Variants in MYBPC1 observed in about 807,000 individuals in gnomAD.
The protein encoded by MYBPC1 is myosin binding protein C1.
A neutral mutation model predicts 147.1 loss-of-function variants in MYBPC1; 52 were observed. The observed-to-expected ratio is 0.35, with a 90% CI of 0.28 to 0.45. The LOEUF is 0.45. MYBPC1 is among the 20% of genes least tolerant of loss of function. The pLI, the probability that MYBPC1 is intolerant of heterozygous loss-of-function variation, is 1.00. For synonymous variants in MYBPC1, 477 were observed against 475.9 expected (o/e 1.00, Z -0.03); for missense variants, 1,228 against 1,440.3 (o/e 0.85, Z 2.39).
At chr12:101,693,409 C>G in the MYBPC1 span, among the ~76,000 whole-genome samples, 1 of 152,110 alleles carries the variant, frequency 6.6e-6, no homozygotes, top group Non-Finnish European at 1.5e-5. Flanking sequence ...AGCTTGATGG[C>G]CCCCCACAAT....
intron 1 of MYBPC1, among the ~76,000 whole-genome samples, chr12:101,613,084 T>C (rs1329395368): frequency 6.6e-6 from 1 of 152,200 alleles, no homozygotes; most frequent in Non-Finnish European, 1.5e-5. Flanking sequence ...ATAAACTTAT[T>C]TATGGCCATC....
At chr12:101,677,526 T>C (rs1900268278) in intron 27 of MYBPC1, 132 bp downstream of exon 27, 3 of 1,122,214 alleles carry the variant, frequency 2.7e-6, no homozygotes, top group Non-Finnish European at 1.3e-6. Context: ...GATAATGGTG[T>C]TCAAGTAAAA....
intron 21 of MYBPC1, among the ~76,000 whole-genome samples, chr12:101,662,973 G>A (rs547225543): frequency 6.6e-6 from 1 of 151,940 alleles, no homozygotes; most frequent in Non-Finnish European, 1.5e-5. Context: ...TTTGCTTTAT[G>A]GTCACACCTT....
At chr12:101,666,627 C>G (rs1203249385) in intron 22 of MYBPC1, 46 of 1,042,826 alleles carry the variant, frequency 4.4e-5, no homozygotes, top group Non-Finnish European at 6.4e-5. Context: ...GCTCTGAGGA[C>G]AAATCTCTTT....
chr12:101,604,001 C>T (rs1218810655), intron 1 of MYBPC1, among the ~76,000 whole-genome samples: 1 of 152,148 alleles, frequency 6.6e-6, no homozygotes. Context: ...AAACTGTTAA[C>T]AATTCAAATT....
Position 101,632,158 on chromosome 12 carries a change from T to G in MYBPC1, c.556+20T>G. ...TGCACGGTAAGAGAGCCTTCTTGCC[T>G]AGATAAATGTAATTTTTTAATGGGG... On this transcript the variant is annotated intron_variant, in intron 8 of 31. Transcript: ENST00000361466. 1 of 1,506,298 alleles carries G rather than the reference T, an allele frequency of 6.6e-7. No homozygotes were observed. Among genetic ancestry groups the G allele is most frequent in the Non-Finnish European group, 9.2e-7 (1 of 1,081,856 alleles). The allele number at this position is 1,506,298 out of a possible 1,614,324, so 93.3% of individuals were successfully genotyped here. A position where few individuals can be genotyped will look rare whatever the true frequency, so the allele number is the denominator to read the frequency against.
chr12:101,694,759 C>CTTTTTTTTT, the MYBPC1 span, among the ~76,000 whole-genome samples: 1 of 149,804 alleles, frequency 6.7e-6, no homozygotes, highest in Non-Finnish European at 1.5e-5. Context: ...AATACATCTG[C>CTTTTTTTTT]TTTTTTTTTT....
chr12:101,682,832 A>C (rs1333922926), intron 30 of MYBPC1, among the ~76,000 whole-genome samples, 170 bp downstream of exon 30: 2 of 152,192 alleles, frequency 1.3e-5, no homozygotes, highest in African/African-American at 2.4e-5. Flanking sequence ...CAAATTATTC[A>C]AGGATATTAA....
rs752444069 is a variant in MYBPC1 at position 101,649,321 on chromosome 12, G to T, written c.1258G>T (p.Gly420Cys). 1 of 1,613,832 alleles carries T rather than the reference G, an allele frequency of 6.2e-7. No homozygotes were observed. Among genetic ancestry groups the T allele is most frequent in the Non-Finnish European group, 8.5e-7 (1 of 1,179,826 alleles). The stretch of plus-strand genomic sequence containing the variant: ...ATCAAGATACCGAATTAGAGTTGAG[G>T]GTAAAAAACACATCTTGATCATAGA... ...PKSRYRIRVE[G>C]KKHILIIEGA... Residue 420 changes from glycine to cysteine, a missense_variant, in exon 15 of 32, where the codon GGT (glycine) becomes TGT (cysteine). Gly to Cys is a radical substitution (Grantham distance 159). Around this residue, in one of 2 missense-constraint regions of MYBPC1, gnomAD observed 1,077 missense variants for 1,314.2 expected, o/e 0.82. Transcript: ENST00000361466.
At chr12:101,635,683 G>A (rs1362523727) in intron 9 of MYBPC1, among the ~76,000 whole-genome samples, 3 of 152,070 alleles carry the variant, frequency 2.0e-5, no homozygotes, top group African/African-American at 7.2e-5. Flanking sequence ...GAACAGAAAT[G>A]TATTTACTTC....
At chr12:101,607,712 C>A (rs1309829811) in intron 1 of MYBPC1, among the ~76,000 whole-genome samples, 1 of 151,768 alleles carries the variant, frequency 6.6e-6, no homozygotes, top group Non-Finnish European at 1.5e-5. Context: ...ATATAAGGGC[C>A]CATAAGATAG....
intron 21 of MYBPC1, among the ~76,000 whole-genome samples, chr12:101,662,882 A>T (rs1237033401): frequency 6.6e-6 from 1 of 152,192 alleles, no homozygotes; most frequent in African/African-American, 2.4e-5. Flanking sequence ...TAACCTGTTA[A>T]TATAACCCAG....
chr12:101,677,157 A>T, intron 26 of MYBPC1, 78 bp from the exon 27 acceptor site: 1 of 1,428,878 alleles, frequency 7.0e-7, no homozygotes, highest in Non-Finnish European at 9.7e-7. Context: ...CATCCTTGTT[A>T]TTTATCCCAA....
chr12:101,686,192 A>C (rs1012410097), downstream of MYBPC1, among the ~76,000 whole-genome samples: 3 of 152,304 alleles, frequency 2.0e-5, no homozygotes, highest in Admixed American at 1.3e-4. Flanking sequence ...CTTTCAAACA[A>C]ATTTTCTCAG....
At chr12:101,611,340 C>A (rs1884213447) in intron 1 of MYBPC1, among the ~76,000 whole-genome samples, 1 of 152,180 alleles carries the variant, frequency 6.6e-6, no homozygotes, top group African/African-American at 2.4e-5. Flanking sequence ...CCCATGGGGG[C>A]TACAGACAAA....
At chr12:101,675,131 A>G (rs891012172) in intron 25 of MYBPC1, among the ~76,000 whole-genome samples, 161 bp from the exon 26 acceptor site, 2 of 152,070 alleles carry the variant, frequency 1.3e-5, no homozygotes, top group African/African-American at 4.8e-5. Context: ...CTGGCTCCAT[A>G]CTACTGGAAG....
In MYBPC1 at chr12:101,673,429, A is replaced by G; in HGVS notation, c.2616A>G (p.Gly872=). 1 of 1,612,356 alleles carries G rather than the reference A, an allele frequency of 6.2e-7. No individual in the cohort carries two copies. Among genetic ancestry groups the G allele is most frequent in the Non-Finnish European group, 8.5e-7 (1 of 1,179,852 alleles). ...ACTTTTGCTGTCTTTCTTTTTAGGG[A>G]AAACCAAGACCAGAATTAACTTGGA... ...EAVNLVIPFQ[G]KPRPELTWKK... is the part of the protein sequence containing the mutation. Residue 872 remains glycine, a splice_region_variant and synonymous_variant, in exon 25 of 32, where the codon GGA becomes GGG. Transcript: ENST00000361466.
chr12:101,660,635 A>G (rs1593961943), intron 19 of MYBPC1, among the ~76,000 whole-genome samples: 1 of 152,132 alleles, frequency 6.6e-6, no homozygotes, highest in South Asian at 2.1e-4. Context: ...TTTTTGCCCA[A>G]ATTAATTACT....
chr12:101,653,364 C>T (rs8181737), intron 18 of MYBPC1, 116 bp downstream of exon 18: 35,885 of 1,340,834 alleles, frequency 0.027, 2,145 homozygotes, highest in East Asian at 0.25. Flanking sequence ...AAATGTACAG[C>T]AGTACAGTAA....
Sources: gnomAD v4.1 joint callset for allele counts (sites outside exome capture counted in the v4.1 genomes callset) on GRCh38, gnomAD v4.1.1 for gene constraint, gnomAD v4.1.1 regional missense constraint, MANE v1.5 for transcripts, NCBI Gene and HGNC (gene_info 2026-07-23, HGNC 2026-07-21) for gene names.